Variants in FNIP2 observed in about 807,000 individuals in gnomAD.
FNIP2 encodes the protein folliculin interacting protein 2.
In FNIP2, 32 loss-of-function variants were observed where a neutral mutation model predicts 108.7. The ratio of observed to expected loss-of-function variants is 0.29; its 90% CI spans 0.22 to 0.40. The LOEUF (loss-of-function observed/expected upper bound fraction) is 0.40, where lower values mean the gene tolerates loss of function less well. Ranked by LOEUF, FNIP2 falls within the 10% of genes least tolerant of loss-of-function variation. The probability of loss-of-function intolerance (pLI) is 1.00; values close to 1 mark genes in which losing one functional copy is unlikely to be tolerated. For synonymous variants in FNIP2, 480 were observed against 496.7 expected, an observed-to-expected ratio of 0.97 and a Z score of 0.45; for missense variants, 1,202 against 1,381.6, an observed-to-expected ratio of 0.87 and a Z score of 2.06.
intron 1 of FNIP2, among the ~76,000 whole-genome samples, chr4:158,823,751 T>G (rs1010488810): frequency 2.6e-5 from 4 of 152,108 alleles, no homozygotes; most frequent in Non-Finnish European, 5.9e-5. Context: ...ATGGCAAAAA[T>G]AGCCACCACC....
At chr4:158,870,179 C>T (rs1780855605) in intron 13 of FNIP2, 134 bp from the exon 14 acceptor site, 3 of 903,616 alleles carry the variant, frequency 3.3e-6, no homozygotes, top group Non-Finnish European at 4.9e-6. Context: ...GATCCACTTA[C>T]TTGAGGGTTG....
intron 7 of FNIP2, among the ~76,000 whole-genome samples, chr4:158,837,604 AC>A (rs1778881589): frequency 6.6e-6 from 1 of 152,238 alleles, no homozygotes. Flanking sequence ...TCTTTGAGAA[AC>A]AGGAAAGTTG....
At chr4:158,875,759 A>G (rs1781247187) in intron 14 of FNIP2, among the ~76,000 whole-genome samples, 2 of 152,042 alleles carry the variant, frequency 1.3e-5, no homozygotes, top group African/African-American at 2.4e-5. Context: ...TCTTTTCCCC[A>G]TGTTTGGATA....
intron 1 of FNIP2, among the ~76,000 whole-genome samples, chr4:158,820,928 A>T (rs1204259609): frequency 2.0e-5 from 3 of 152,226 alleles, no homozygotes; most frequent in Non-Finnish European, 4.4e-5. Flanking sequence ...AGGAATTAGG[A>T]CTTGAACATA....
chr4:158,813,229 T>C (rs1336000503), intron 1 of FNIP2, among the ~76,000 whole-genome samples: 1 of 152,170 alleles, frequency 6.6e-6, no homozygotes, highest in African/African-American at 2.4e-5. Flanking sequence ...GTCCCTTTGC[T>C]GGATTGTAAG....
At chr4:158,846,820 A>G (rs1779428400) in intron 7 of FNIP2, among the ~76,000 whole-genome samples, 1 of 152,196 alleles carries the variant, frequency 6.6e-6, no homozygotes, top group Non-Finnish European at 1.5e-5. Context: ...CACACAAAAA[A>G]ATAACTTCAT....
At chr4:158,880,011 C>T (rs1198875739) in intron 14 of FNIP2, among the ~76,000 whole-genome samples, 1 of 148,530 alleles carries the variant, frequency 6.7e-6, no homozygotes, top group Non-Finnish European at 1.5e-5. Flanking sequence ...TAAACTAGTT[C>T]AACCATTGTG....
At position 158,859,073 on chromosome 4, in the gene FNIP2, T is replaced by G; in HGVS notation, c.874T>G (p.Phe292Val). The G allele has an allele frequency of 6.2e-7, 1 of 1,613,954 alleles. No individual in the cohort carries two copies. The highest frequency in any genetic ancestry group is 8.5e-7 in the Non-Finnish European group (1 of 1,179,844). The change falls in exon 9 of 17, where the codon TTC becomes GTC. Residue 292 changes from phenylalanine (F) to valine (V), a missense_variant. Phe to Val is a conservative substitution (Grantham distance 50). Around this residue, in one of 5 missense-constraint regions of FNIP2, gnomAD observed 878 missense variants for 990.3 expected, o/e 0.89. Coordinates refer to ENST00000264433, the MANE Select transcript of FNIP2 (RefSeq NM_020840.3). ...IIPRRSTDET[F>V]SLAEETCSSN... Reference sequence around the variant, plus strand: ...TCCCTCCAGGTCAACTGATGAGACATTCAGCTTGGCTGAAGAAACCTGTAG... The same window carrying G: ...TCCCTCCAGGTCAACTGATGAGACAGTCAGCTTGGCTGAAGAAACCTGTAG...
rs1781826269 is a variant in FNIP2, at chr4:158,883,441, C to T, written c.2950-8005C>T. 5.9e-5 allele frequency among the ~76,000 whole-genome samples: 9 copies of T among 152,184 alleles called. 1 individual carries two copies. The South Asian group carries it at 1.9e-3, about 32-fold the overall frequency. On this transcript the variant is annotated intron_variant, in intron 14 of 16. Coordinates refer to ENST00000264433, the MANE Select transcript of FNIP2 (RefSeq NM_020840.3). ...TATTTTTAGTAGAGACGGGGTTTCA[C>T]CGTGTTAGCCAGGATGGTCTCGATC...
chr4:158,828,321 T>G (rs1409673440), intron 2 of FNIP2, among the ~76,000 whole-genome samples: 1 of 152,094 alleles, frequency 6.6e-6, no homozygotes, highest in Non-Finnish European at 1.5e-5. Context: ...GGTGTGTCAT[T>G]AAAAACACAA....
In FNIP2 at chr4:158,820,757, C is replaced by A. The variant is rs151011208; in HGVS notation, c.108-5159C>A. Among the ~76,000 whole-genome samples, 23 of 152,338 alleles carry A rather than the reference C, an allele frequency of 1.5e-4. No homozygotes were observed. The East Asian group carries it at 4.4e-3, about 29-fold the overall frequency. On this transcript the variant is annotated intron_variant, in intron 1 of 16. Transcript: ENST00000264433. ...CTGTGCCCTCAGTCTGCAGTGACTT[C>A]CCTGTTCATTATTCCTTCTGTGTCT...
chr4:158,836,795 A>G (rs1047932220), intron 7 of FNIP2: 1 of 142,428 alleles, frequency 7.0e-6, no homozygotes, highest in African/African-American at 2.7e-5. Flanking sequence ...CAGGCTGGAC[A>G]ACAGAGACTC....
intron 14 of FNIP2, among the ~76,000 whole-genome samples, chr4:158,879,746 G>GA (rs1781479191): frequency 6.7e-6 from 1 of 150,278 alleles, no homozygotes; most frequent in Non-Finnish European, 1.5e-5. Context: ...AGATTTACAA[G>GA]AAAAAAGCTA....
chr4:158,857,198 G>C (rs907248670), intron 8 of FNIP2, among the ~76,000 whole-genome samples: 14 of 152,180 alleles, frequency 9.2e-5, no homozygotes, highest in African/African-American at 3.4e-4. Flanking sequence ...AAGATGAGTG[G>C]ACTGATACAG....
intron 13 of FNIP2, among the ~76,000 whole-genome samples, 171 bp from the exon 14 acceptor site, chr4:158,870,142 T>TA (rs1780853138): frequency 1.3e-5 from 2 of 152,186 alleles, no homozygotes; most frequent in South Asian, 2.1e-4. Flanking sequence ...CCTTCCACTT[T>TA]AAAAAACTCC....
chr4:158,849,794 G>A (rs1779596945), intron 7 of FNIP2, among the ~76,000 whole-genome samples: 1 of 150,564 alleles, frequency 6.6e-6, no homozygotes, highest in Non-Finnish European at 1.5e-5. Context: ...ACATGTAACA[G>A]TTTGGTTAAA....
rs749583666 is a variant in FNIP2, at chr4:158,870,301, ATGT to A, written c.2793-7_2793-5del. On this transcript the variant is annotated splice_polypyrimidine_tract_variant and intron_variant, in intron 13 of 16. Transcript: ENST00000264433. ...TTAGCTGTGCATTTTAATGGGCCAC[ATGT>A]TGTTTTAGGTCTCAGAGCATCAGCA... 8 of 1,610,510 alleles carry A rather than the reference ATGT, an allele frequency of 5.0e-6. No homozygotes were observed. The highest frequency in any genetic ancestry group is 2.2e-5 in the East Asian group (1 of 44,766).
chr4:158,873,892 G>T (rs927859362), intron 14 of FNIP2, among the ~76,000 whole-genome samples: 2 of 152,230 alleles, frequency 1.3e-5, no homozygotes, highest in African/African-American at 4.8e-5. Context: ...TAAATGGAAA[G>T]AGAGCAGGCG....
At chr4:158,792,778 A>G (rs1776464979) in intron 1 of FNIP2, among the ~76,000 whole-genome samples, 1 of 152,216 alleles carries the variant, frequency 6.6e-6, no homozygotes, top group Admixed American at 6.5e-5. Flanking sequence ...TGGGCTGCAC[A>G]GTAGAAGCCC....
Sources: allele counts gnomAD v4.1 joint callset (sites outside exome capture counted in the v4.1 genomes callset), GRCh38; gene constraint gnomAD v4.1.1; regional missense constraint gnomAD v4.1.1; transcripts MANE v1.5; gene names NCBI Gene and HGNC (gene_info 2026-07-23, HGNC 2026-07-21).